The following MYRIP variants were observed in gnomAD, a reference collection of about 807,000 sequenced individuals.
The protein encoded by MYRIP is myosin VIIA and Rab interacting protein, also known as rab effector MyRIP.
MYRIP carries 49 observed loss-of-function variants against 98.0 expected under a neutral mutation model. The observed-to-expected ratio is 0.50, with a 90% CI of 0.40 to 0.63. MYRIP has a LOEUF of 0.63. Ranked by LOEUF, MYRIP falls within the 30% of genes least tolerant of loss-of-function variation. The pLI is 0.00. For missense variants in MYRIP, 1,004 were observed against 1,058.2 expected, an observed-to-expected ratio of 0.95 and a Z score of 0.71; for synonymous variants, 404 against 409.5, an observed-to-expected ratio of 0.99 and a Z score of 0.16.
chr3:40,001,531 A>G (rs1282518819), intron 2 of MYRIP, among the ~76,000 whole-genome samples: 1 of 152,220 alleles, frequency 6.6e-6, no homozygotes, highest in Non-Finnish European at 1.5e-5. Context: ...GGAATCATTC[A>G]AGTCTTTCAC....
intron 3 of MYRIP, among the ~76,000 whole-genome samples, chr3:40,098,791 TC>T (rs1948884043): frequency 7.0e-6 from 1 of 142,488 alleles, no homozygotes; most frequent in Admixed American, 7.2e-5. Context: ...TTCTTACAGA[TC>T]AGAGATAAAA....
intron 2 of MYRIP, among the ~76,000 whole-genome samples, chr3:39,986,443 C>CCT (rs1303607704): frequency 6.9e-6 from 1 of 144,222 alleles, no homozygotes; most frequent in African/African-American, 2.9e-5. Flanking sequence ...TCTTTCTCTC[C>CCT]CTCTCTCTCT....
chr3:39,905,825 T>C (rs1943866339), intron 2 of MYRIP, among the ~76,000 whole-genome samples: 1 of 152,240 alleles, frequency 6.6e-6, no homozygotes, highest in South Asian at 2.1e-4. Context: ...TATCTGATTG[T>C]TCTTTTCCTT....
intron 1 of MYRIP, among the ~76,000 whole-genome samples, chr3:39,871,464 G>T (rs942952988): frequency 1.1e-4 from 17 of 152,142 alleles, no homozygotes; most frequent in African/African-American, 4.1e-4. Flanking sequence ...AGCAGAGTGG[G>T]ATGGCAAACA....
intron 2 of MYRIP, among the ~76,000 whole-genome samples, chr3:40,028,680 T>C (rs1187417859): frequency 6.6e-6 from 1 of 152,144 alleles, no homozygotes; most frequent in Non-Finnish European, 1.5e-5. Context: ...CATCACTCTT[T>C]CCCATGTAGC....
At chr3:39,892,915 G>A (rs77503340) in intron 1 of MYRIP, among the ~76,000 whole-genome samples, 3,240 of 152,210 alleles carry the variant, frequency 0.021, 116 homozygotes, top group African/African-American at 0.074. Flanking sequence ...TGGTCAGCAC[G>A]CTGCTTTTCT....
chr3:39,917,062 G>A (rs1575376609), intron 2 of MYRIP, among the ~76,000 whole-genome samples: 2 of 151,884 alleles, frequency 1.3e-5, no homozygotes, highest in Admixed American at 1.3e-4. Flanking sequence ...TTAAGTCTTG[G>A]GAAACTTGGT....
At chr3:39,931,737 A>G (rs1944542566) in intron 2 of MYRIP, among the ~76,000 whole-genome samples, 1 of 152,090 alleles carries the variant, frequency 6.6e-6, no homozygotes, top group South Asian at 2.1e-4. Flanking sequence ...ATTTTGTCAA[A>G]TATTTTTTCT....
intron 2 of MYRIP, among the ~76,000 whole-genome samples, chr3:39,939,075 T>A (rs1039648865): frequency 6.6e-6 from 1 of 152,192 alleles, no homozygotes; most frequent in African/African-American, 2.4e-5. Context: ...CTGTGGGTCC[T>A]TGTGTTGAGC....
At chr3:40,066,598 G>A (rs1948132123) in intron 3 of MYRIP, among the ~76,000 whole-genome samples, 1 of 152,102 alleles carries the variant, frequency 6.6e-6, no homozygotes, top group Non-Finnish European at 1.5e-5. Flanking sequence ...TTGAATGTAT[G>A]TCAGATTACT....
intron 3 of MYRIP, among the ~76,000 whole-genome samples, chr3:40,144,707 C>T (rs936118973): frequency 2.6e-5 from 4 of 152,206 alleles, no homozygotes; most frequent in East Asian, 3.8e-4. Flanking sequence ...TCTGTATTTC[C>T]TTTATTTTCT....
intron 10 of MYRIP, 72 bp from the exon 11 acceptor site, chr3:40,209,782 G>A: frequency 1.9e-6 from 3 of 1,586,392 alleles, no homozygotes; most frequent in Non-Finnish European, 2.6e-6. Flanking sequence ...TTTACTCAGG[G>A]GTTATTGGGA....
intron 2 of MYRIP, among the ~76,000 whole-genome samples, chr3:39,998,354 C>A (rs140740902): frequency 6.6e-6 from 1 of 151,992 alleles, no homozygotes; most frequent in Admixed American, 6.6e-5. Context: ...CAAAATCAAT[C>A]TGCAAAAATC....
intron 8 of MYRIP, chr3:40,174,709 G>A (rs1179700624): frequency 6.6e-6 from 1 of 152,216 alleles, no homozygotes; most frequent in Non-Finnish European, 1.5e-5. Flanking sequence ...TTTCCCTTCA[G>A]GCTTCCGGGA....
intron 3 of MYRIP, among the ~76,000 whole-genome samples, chr3:40,137,314 G>A (rs182360115): frequency 6.6e-6 from 1 of 152,048 alleles, no homozygotes; most frequent in Non-Finnish European, 1.5e-5. Flanking sequence ...GACACATACA[G>A]TCTCCCAAGA....
At chr3:40,182,145 C>T in intron 8 of MYRIP, 75 bp from the exon 9 acceptor site, 1 of 1,422,286 alleles carries the variant, frequency 7.0e-7, no homozygotes, top group South Asian at 1.5e-5. Flanking sequence ...CAATGTCTGC[C>T]CCCAAAAGGT....
intron 2 of MYRIP, among the ~76,000 whole-genome samples, chr3:39,956,918 A>G (rs942903840): frequency 2.6e-5 from 4 of 151,918 alleles, no homozygotes; most frequent in Non-Finnish European, 4.4e-5. Flanking sequence ...CAAATAAACT[A>G]GAAAATCTAG....
At chr3:39,989,677 C>A (rs1946122356) in intron 2 of MYRIP, among the ~76,000 whole-genome samples, 1 of 152,166 alleles carries the variant, frequency 6.6e-6, no homozygotes, top group Admixed American at 6.5e-5. Context: ...AGGGCTCAGG[C>A]CCAGGGAGAT....
rs1952214349 is a variant in MYRIP at position 40,218,621 on chromosome 3, TATA to T, written c.1905+8529_1905+8531del. On this transcript the variant is annotated intron_variant, in intron 11 of 16. Coordinates refer to ENST00000302541, the MANE Select transcript of MYRIP (RefSeq NM_015460.4). ...CACATATATATATATTTTATATATA[TATA>T]TATATATATATATATATATATATAT... Among the ~76,000 whole-genome samples the T allele has an allele frequency of 2.2e-4, 18 of 81,522 alleles. 1 individual carries two copies. Among genetic ancestry groups the T allele is most frequent in the African/African-American group, 1.1e-3 (18 of 16,938 alleles). The allele number at this position is 81,522 out of a possible 152,430, so 53.5% of individuals were successfully genotyped here. A position where few individuals can be genotyped will look rare whatever the true frequency, so the allele number is the denominator to read the frequency against.
Sources: gnomAD v4.1 joint callset for allele counts (sites outside exome capture counted in the v4.1 genomes callset) on GRCh38, gnomAD v4.1.1 for gene constraint, MANE v1.5 for transcripts, NCBI Gene and HGNC (gene_info 2026-07-23, HGNC 2026-07-21) for gene names.